The following DPP10 variants were observed in gnomAD, a reference collection of about 807,000 sequenced individuals.
DPP10 encodes the protein inactive dipeptidyl peptidase 10.
A neutral mutation model predicts 120.9 loss-of-function variants in DPP10; 33 were observed. The observed-to-expected ratio is 0.27, with a 90% confidence interval of 0.21 to 0.37. The LOEUF (loss-of-function observed/expected upper bound fraction) is 0.37. Among genes scored for constraint, DPP10 ranks in the 10% least tolerant of loss-of-function variants. The pLI, the probability that DPP10 is intolerant of heterozygous loss-of-function variation, is 1.00. For missense variants in DPP10, 816 were observed against 942.8 expected (o/e 0.87, Z 1.76); for synonymous variants, 337 against 326.1 (o/e 1.03, Z -0.36).
At chr2:115,211,005 ATTTG>A (rs1386124327) in intron 1 of DPP10, among the ~76,000 whole-genome samples, 3 of 152,132 alleles carry the variant, frequency 2.0e-5, no homozygotes, top group Admixed American at 6.6e-5. Context: ...TTTTAAGGTA[ATTTG>A]TTTATTTTGC....
At chr2:114,842,847 C>T (rs184883602) in intron 1 of DPP10, among the ~76,000 whole-genome samples, 16 of 149,762 alleles carry the variant, frequency 1.1e-4, no homozygotes, top group African/African-American at 2.5e-4. Context: ...GGGACCTCAC[C>T]GGAGACAAAA....
At chr2:115,027,868 A>G (rs968088172) in intron 1 of DPP10, among the ~76,000 whole-genome samples, 4 of 151,986 alleles carry the variant, frequency 2.6e-5, no homozygotes, top group African/African-American at 4.8e-5. Context: ...AAATGTATTC[A>G]TATCTTCCAG....
intron 1 of DPP10, among the ~76,000 whole-genome samples, chr2:114,472,868 G>A (rs1215978489): frequency 1.3e-5 from 2 of 152,162 alleles, no homozygotes; most frequent in African/African-American, 4.8e-5. Flanking sequence ...TGTGGTCCAG[G>A]TTTATCTCAA....
At chr2:114,980,980 T>C (rs1029690988) in intron 1 of DPP10, among the ~76,000 whole-genome samples, 12 of 149,608 alleles carry the variant, frequency 8.0e-5, no homozygotes, top group Admixed American at 6.9e-4. Flanking sequence ...TTTATCGAAA[T>C]ATGTTGTGTC....
chr2:115,621,603 A>G lies in DPP10; in HGVS notation c.442-68084A>G, dbSNP rs760867226. ...AACATAACTCCGAGGTGTATTTTCAATCCGCACAATTTTTTTTCACAGAGG... is the reference window on the plus strand; with the variant it reads ...AACATAACTCCGAGGTGTATTTTCAGTCCGCACAATTTTTTTTCACAGAGG... On this transcript the variant is annotated intron_variant, in intron 5 of 25. Coordinates refer to ENST00000410059, the MANE Select transcript of DPP10 (RefSeq NM_020868.6). 2.0e-4 allele frequency among the ~76,000 whole-genome samples: 30 copies of G among 152,216 alleles called. 1 individual carries two copies. The highest frequency in any genetic ancestry group is 1.6e-3 in the Admixed American group (25 of 15,288).
intron 5 of DPP10, among the ~76,000 whole-genome samples, chr2:115,628,179 C>A (rs2085522929): frequency 6.6e-6 from 1 of 152,134 alleles, no homozygotes; most frequent in Non-Finnish European, 1.5e-5. Context: ...TTCACCAGCT[C>A]TGTTCTTTCT....
intron 5 of DPP10, among the ~76,000 whole-genome samples, chr2:115,562,573 A>C: frequency 6.6e-6 from 1 of 152,158 alleles, no homozygotes; most frequent in East Asian, 1.9e-4. Context: ...CTCCTATTAT[A>C]ATAAACATAG....
chr2:115,589,269 A>T (rs2149164112), intron 5 of DPP10, among the ~76,000 whole-genome samples: 1 of 152,344 alleles, frequency 6.6e-6, no homozygotes, highest in South Asian at 2.1e-4. Context: ...ACCAAAATGC[A>T]AATATTAATA....
intron 1 of DPP10, among the ~76,000 whole-genome samples, chr2:115,236,630 T>A (rs978158252): frequency 6.6e-6 from 1 of 152,164 alleles, no homozygotes; most frequent in Non-Finnish European, 1.5e-5. Context: ...CACCAATCAA[T>A]TATTGAAGGT....
chr2:114,491,226 T>G (rs937044250), intron 1 of DPP10, among the ~76,000 whole-genome samples: 1 of 152,186 alleles, frequency 6.6e-6, no homozygotes, highest in Non-Finnish European at 1.5e-5. Flanking sequence ...AAGTCCAAAC[T>G]TTTAAAGTTT....
At chr2:114,916,561 A>G (rs1461775830) in intron 1 of DPP10, among the ~76,000 whole-genome samples, 1 of 152,170 alleles carries the variant, frequency 6.6e-6, no homozygotes, top group Non-Finnish European at 1.5e-5. Context: ...TGCATATAGA[A>G]GCAAAAATCC....
In DPP10 at chr2:115,737,695, C is replaced by T. The variant is rs115145128; in HGVS notation, c.698-2044C>T. ...TCAGAACTAGCAGTTTTACAGCTTG[C>T]CTGGGATATAGAACAGAGAACATAT... is the stretch of plus-strand genomic sequence containing the variant. On this transcript the variant is annotated intron_variant, in intron 8 of 25. Transcript: ENST00000410059. Among the ~76,000 whole-genome samples, 710 of 152,206 alleles carry T rather than the reference C, an allele frequency of 4.7e-3. 6 individuals carry two copies. The highest frequency in any genetic ancestry group is 0.016 in the African/African-American group (670 of 41,516).
At chr2:114,936,363 A>G (rs1465672623) in intron 1 of DPP10, among the ~76,000 whole-genome samples, 2 of 151,364 alleles carry the variant, frequency 1.3e-5, no homozygotes, top group South Asian at 2.1e-4. Flanking sequence ...GTATATATAT[A>G]TGTGTGTGTG....
intron 1 of DPP10, among the ~76,000 whole-genome samples, chr2:114,459,747 T>C (rs913285471): frequency 2.6e-5 from 4 of 152,204 alleles, no homozygotes; most frequent in African/African-American, 9.6e-5. Flanking sequence ...TTTGTTTCAA[T>C]AGTTGTTTTT....
chr2:114,858,762 C>T (rs1301584860), intron 1 of DPP10, among the ~76,000 whole-genome samples: 7 of 152,032 alleles, frequency 4.6e-5, no homozygotes, highest in African/African-American at 1.7e-4. Flanking sequence ...TGGACTTTAT[C>T]ACTATTCTTA....
chr2:114,544,887 C>G (rs1299095769), intron 1 of DPP10, among the ~76,000 whole-genome samples: 1 of 151,764 alleles, frequency 6.6e-6, no homozygotes, highest in Non-Finnish European at 1.5e-5. Flanking sequence ...GAGTCTTGCT[C>G]TGTCACCACA....
intron 3 of DPP10, among the ~76,000 whole-genome samples, chr2:115,402,842 GAAAAA>G (rs1553584302): frequency 2.6e-5 from 1 of 38,496 alleles, no homozygotes; most frequent in Non-Finnish European, 5.9e-5. Context: ...ACACTACAAG[GAAAAA>G]AAAAAAAATA....
intron 5 of DPP10, among the ~76,000 whole-genome samples, chr2:115,532,199 C>G (rs1575110127): frequency 1.3e-5 from 2 of 152,118 alleles, no homozygotes; most frequent in Middle Eastern, 6.8e-3. Context: ...AGTGCATCTG[C>G]CGTGGAAGTG....
intron 12 of DPP10, among the ~76,000 whole-genome samples, chr2:115,764,471 C>T (rs1228563561): frequency 7.2e-5 from 11 of 151,886 alleles, no homozygotes; most frequent in East Asian, 1.9e-4. Flanking sequence ...TCACAAATTT[C>T]GGTTAGATAC....
Sources: allele counts gnomAD v4.1 joint callset (sites outside exome capture counted in the v4.1 genomes callset), GRCh38; gene constraint gnomAD v4.1.1; transcripts MANE v1.5; gene names NCBI Gene and HGNC (gene_info 2026-07-23, HGNC 2026-07-21).